The following SPTBN2 variants were observed in gnomAD, a reference collection of about 807,000 sequenced individuals.
SPTBN2 encodes the protein spectrin beta, non-erythrocytic 2.
SPTBN2 carries 107 observed loss-of-function variants against 284.2 expected under a neutral mutation model. The observed-to-expected ratio is 0.38, with a 90% CI of 0.32 to 0.44. The LOEUF is 0.44. Ranked by LOEUF, SPTBN2 falls within the 20% of genes least tolerant of loss-of-function variation. The probability of loss-of-function intolerance (pLI) is 1.00; values close to 1 mark genes in which losing one functional copy is unlikely to be tolerated. For synonymous variants in SPTBN2, 1,289 were observed against 1,354.8 expected (o/e 0.95, Z 1.07); for missense variants, 2,569 against 3,287.1 (o/e 0.78, Z 5.34).
chr11:66,689,190 G>A lies in SPTBN2; in HGVS notation c.5950-10C>T. 6.3e-7 allele frequency: 1 copy of A among 1,598,902 alleles called. No individual in the cohort carries two copies. The highest frequency in any genetic ancestry group is 8.5e-7 in the Non-Finnish European group (1 of 1,171,506). Reference sequence around the variant, plus strand: ...ACAGCTTCTCTGAGATCTGGGGGCGGGGGGCAGAGATATGAGTTAGCACCA... The same window carrying A: ...ACAGCTTCTCTGAGATCTGGGGGCGAGGGGCAGAGATATGAGTTAGCACCA... On this transcript the variant is annotated splice_polypyrimidine_tract_variant and intron_variant, in intron 29 of 37. Transcript: ENST00000533211.
At chr11:66,704,271 C>T (rs1328430452) in intron 15 of SPTBN2, among the ~76,000 whole-genome samples, 2 of 152,070 alleles carry the variant, frequency 1.3e-5, no homozygotes, top group Admixed American at 6.5e-5. Flanking sequence ...CGTGCCCGGC[C>T]GCTTCCTTGT....
chr11:66,729,971 T>C (rs2135601111), upstream of SPTBN2, among the ~76,000 whole-genome samples: 1 of 151,976 alleles, frequency 6.6e-6, no homozygotes, highest in East Asian at 1.9e-4. Context: ...CCGACTAATT[T>C]TTGTATCTTT....
rs1318708697 is a variant in SPTBN2 at position 66,687,801 on chromosome 11, G to A, written c.6501+67C>T. The A allele has an allele frequency of 8.1e-6, 11 of 1,354,648 alleles. No homozygotes were observed. The highest frequency in any genetic ancestry group is 1.4e-5 in the African/African-American group (1 of 69,830). The allele number at this position is 1,354,648 out of a possible 1,614,324, so 83.9% of individuals were successfully genotyped here. ...TCCCATCCCCAGTACTCCCCCACCC[G>A]CACTCACCACCCCCTCTGGACCCTT... On this transcript the variant is annotated intron_variant, in intron 34 of 37. Transcript: ENST00000533211. This position sits in a 1 kb window ranked among gnomAD's most constrained non-coding sequence, Gnocchi z 5.2.
rs759793752 is a variant in SPTBN2 at position 66,685,851 on chromosome 11, G to T, written c.*20C>A. The T allele has an allele frequency of 1.9e-6, 3 of 1,608,802 alleles. No homozygotes were observed. Among genetic ancestry groups the T allele is most frequent in the Non-Finnish European group, 2.6e-6 (3 of 1,175,970 alleles). The stretch of plus-strand genomic sequence containing the variant: ...TTTCCTGAACGGAGGGAGGGAGTTG[G>T]CCTGGGACCTTGCCCCCAACTACTT... On this transcript the variant is annotated 3_prime_UTR_variant, in exon 38 of 38. Transcript: ENST00000533211. This position sits in a 1 kb window ranked among gnomAD's most constrained non-coding sequence, Gnocchi z 4.4.
Position 66,715,494 on chromosome 11 carries a change from A to G in SPTBN2, c.310-99T>C, listed in dbSNP as rs567703451. 1 of 1,455,810 alleles carries G rather than the reference A, an allele frequency of 6.9e-7. No individual in the cohort carries two copies. Among genetic ancestry groups the G allele is most frequent in the Non-Finnish European group, 9.3e-7 (1 of 1,078,294 alleles). 90.2% of individuals were successfully genotyped at this position (1,455,810 alleles called of 1,614,324 possible). On this transcript the variant is annotated intron_variant, in intron 4 of 37. Transcript: ENST00000533211. The surrounding 1 kb of genome is among the most constrained non-coding windows in gnomAD (Gnocchi z 5.3). ...GCTTTGCACACCTTCCCCATGACCT[A>G]CCTCAGGAACACAGACAGGCACAGC...
rs886048552 is a variant in SPTBN2, at chr11:66,715,229, C to T, written c.476G>A (p.Arg159Gln). ...TLGLVWTIIL[R>Q]FQIQDISVET... is the part of the protein sequence containing the mutation. ...GACAGTGTGCTGGGGTACCTGGAATCGAAGGATGATGGTCCAGACCAGCCC... is the reference window on the plus strand; with the variant it reads ...GACAGTGTGCTGGGGTACCTGGAATTGAAGGATGATGGTCCAGACCAGCCC... Residue 159 changes from arginine (R) to glutamine (Q), a missense_variant, in exon 5 of 38, where the codon CGA becomes CAA. By Grantham distance (43) the Arg-to-Gln change is conservative. This residue lies in a region of SPTBN2 where 304 missense variants were observed against 522.1 expected (regional missense o/e 0.58). Coordinates refer to ENST00000533211, the MANE Select transcript of SPTBN2 (RefSeq NM_006946.4). The surrounding 1 kb of genome is among the most constrained non-coding windows in gnomAD (Gnocchi z 5.3). 3.7e-6 allele frequency: 6 copies of T among 1,614,166 alleles called. No homozygotes were observed. Among genetic ancestry groups the T allele is most frequent in the South Asian group, 1.1e-5 (1 of 91,074 alleles).
At chr11:66,706,794 G>A (rs183183731) in intron 13 of SPTBN2, among the ~76,000 whole-genome samples, 1 of 151,494 alleles carries the variant, frequency 6.6e-6, no homozygotes, top group African/African-American at 2.4e-5. Flanking sequence ...CACCGCACCT[G>A]GTTAATTTCT....
intron 1 of SPTBN2, chr11:66,728,248 G>A (rs930794804): frequency 2.7e-5 from 4 of 145,660 alleles, no homozygotes; most frequent in Non-Finnish European, 3.1e-5. Flanking sequence ...GGCCGCGACG[G>A]GCGGTTGCAG....
Position 66,689,369 on chromosome 11 carries a change from G to A in SPTBN2, c.5950-189C>T, listed in dbSNP as rs1590911824. On this transcript the variant is annotated intron_variant, in intron 29 of 37. Coordinates refer to ENST00000533211, the MANE Select transcript of SPTBN2 (RefSeq NM_006946.4). Reference sequence around the variant, plus strand: ...AGCTCACTGCAACCTCCACCTCCCAGGTTCAAGCAATTCTCCTGCCTCAGC... The same window carrying A: ...AGCTCACTGCAACCTCCACCTCCCAAGTTCAAGCAATTCTCCTGCCTCAGC... 1.1e-5 allele frequency: 7 copies of A among 618,344 alleles called. 1 individual carries two copies. The East Asian group carries it at 2.1e-4, about 18-fold the overall frequency. 38.3% of individuals were successfully genotyped at this position (618,344 alleles called of 1,614,324 possible). A position where few individuals can be genotyped will look rare whatever the true frequency, so the allele number is the denominator to read the frequency against.
intron 1 of SPTBN2, among the ~76,000 whole-genome samples, chr11:66,724,175 C>G (rs541901580): frequency 7.9e-5 from 12 of 152,334 alleles, no homozygotes; most frequent in East Asian, 1.9e-4. Flanking sequence ...AATCCCAGCA[C>G]TTTGGGAGGC....
At chr11:66,689,726 G>A in intron 29 of SPTBN2, 79 bp downstream of exon 29, 1 of 1,593,782 alleles carries the variant, frequency 6.3e-7, no homozygotes, top group East Asian at 2.2e-5. Flanking sequence ...GAGAGAATGA[G>A]AGGAAGCAGA....
rs1165548161 is a variant in SPTBN2, at chr11:66,687,798, C to T, written c.6501+70G>A. On this transcript the variant is annotated intron_variant, in intron 34 of 37. Coordinates refer to ENST00000533211, the MANE Select transcript of SPTBN2 (RefSeq NM_006946.4). The surrounding 1 kb of genome is among the most constrained non-coding windows in gnomAD (Gnocchi z 5.2). ...CCATCCCATCCCCAGTACTCCCCCA[C>T]CCGCACTCACCACCCCCTCTGGACC... is the stretch of plus-strand genomic sequence containing the variant. 1 of 1,603,530 alleles carries T rather than the reference C, an allele frequency of 6.2e-7. No homozygotes were observed. The highest frequency in any genetic ancestry group is 8.5e-7 in the Non-Finnish European group (1 of 1,170,540).
chr11:66,689,946 G>C lies in SPTBN2; in HGVS notation c.5811-3C>G, dbSNP rs750335105. The C allele has an allele frequency of 1.2e-6, 2 of 1,613,808 alleles. No individual in the cohort carries two copies. Among genetic ancestry groups the C allele is most frequent in the Non-Finnish European group, 8.5e-7 (1 of 1,179,934 alleles). ...CTAGATCCGCGGAGGACACATCCCT[G>C]GGGGGAGGCAGAAACAGCATCACCT... On this transcript the variant is annotated splice_polypyrimidine_tract_variant and splice_region_variant and intron_variant, in intron 28 of 37. Coordinates refer to ENST00000533211, the MANE Select transcript of SPTBN2 (RefSeq NM_006946.4).
chr11:66,742,874 T>A (rs1288263640), intron 1 of SPTBN2, among the ~76,000 whole-genome samples: 3 of 152,150 alleles, frequency 2.0e-5, no homozygotes, highest in Non-Finnish European at 2.9e-5. Flanking sequence ...CCTCCCAAAG[T>A]GTTGGGATTA....
Position 66,688,776 on chromosome 11 carries a change from C to G in SPTBN2, c.6108G>C (p.Val2036=). The change falls in exon 31 of 38, where the codon GTG becomes GTC. Residue 2036 remains valine, a synonymous_variant. Transcript: ENST00000533211. ...EAWLCSQEPL[V]RSAELGCTVD... ...CCGTGCAACCCAGCTCAGCGCTGCG[C>G]ACCAGTGGCTCCTGGCTGCAGAGCC... is the stretch of plus-strand genomic sequence containing the variant. 1 of 1,613,384 alleles carries G rather than the reference C, an allele frequency of 6.2e-7. No homozygotes were observed. The highest frequency in any genetic ancestry group is 8.5e-7 in the Non-Finnish European group (1 of 1,180,042).
chr11:66,686,562 G>A (rs1172379645), intron 36 of SPTBN2, 122 bp from the exon 37 acceptor site: 5 of 1,056,248 alleles, frequency 4.7e-6, no homozygotes, highest in Admixed American at 1.8e-5. Flanking sequence ...CCTCAGAGCC[G>A]GACCAGACAC....
Position 66,683,063 on chromosome 11 carries a change from AT to A in SPTBN2, c.*2807del, listed in dbSNP as rs55950324. On this transcript the variant is annotated 3_prime_UTR_variant, in exon 38 of 38. Coordinates refer to ENST00000533211, the MANE Select transcript of SPTBN2 (RefSeq NM_006946.4). ...ACCACCATGCCTGGCCAAGTAATCC[AT>A]TTTTTTTTTTTTTTTTTTTTTGAGA... is the stretch of plus-strand genomic sequence containing the variant. Among the ~76,000 whole-genome samples the A allele has an allele frequency of 2.1e-4, 20 of 95,740 alleles. No homozygotes were observed. Among genetic ancestry groups the A allele is most frequent in the African/African-American group, 4.9e-4 (11 of 22,290 alleles). 62.8% of individuals were successfully genotyped at this position (95,740 alleles called of 152,430 possible). A position where few individuals can be genotyped will look rare whatever the true frequency, so the allele number is the denominator to read the frequency against.
At chr11:66,740,356 G>T (rs1942887383) in intron 1 of SPTBN2, among the ~76,000 whole-genome samples, 1 of 152,186 alleles carries the variant, frequency 6.6e-6, no homozygotes, top group South Asian at 2.1e-4. Flanking sequence ...CTTAGAAAGG[G>T]GAAGAACAGA....
In SPTBN2 at chr11:66,721,346, C is replaced by G. The variant is rs1590982215; in HGVS notation, c.-23+4G>C. ...CACCGGGGCCTTCTGTCTTCTTGCC[C>G]TACCTGTGCTCCGCTCTCCTTGTGG... On this transcript the variant is annotated splice_donor_region_variant and intron_variant, in intron 2 of 37. Coordinates refer to ENST00000533211, the MANE Select transcript of SPTBN2 (RefSeq NM_006946.4). 1.9e-5 allele frequency: 27 copies of G among 1,448,986 alleles called. 1 individual carries two copies. The South Asian group carries it at 3.0e-4, about 16-fold the overall frequency. 89.8% of individuals were successfully genotyped at this position (1,448,986 alleles called of 1,614,324 possible). A position where few individuals can be genotyped will look rare whatever the true frequency, so the allele number is the denominator to read the frequency against.
Sources: gnomAD v4.1 joint callset for allele counts (sites outside exome capture counted in the v4.1 genomes callset) on GRCh38, gnomAD v4.1.1 for gene constraint, gnomAD v4.1.1 regional missense constraint, Gnocchi (gnomAD v3.1) non-coding constraint, MANE v1.5 for transcripts, NCBI Gene and HGNC (gene_info 2026-07-23, HGNC 2026-07-21) for gene names.